TNR: variants seen among roughly 807,000 people sequenced by gnomAD.
The protein encoded by TNR is tenascin-R.
A neutral mutation model predicts 150.4 loss-of-function variants in TNR; 45 were observed. The observed-to-expected ratio is 0.30, with a 90% CI of 0.24 to 0.38. The LOEUF (loss-of-function observed/expected upper bound fraction) is 0.38, where lower values mean the gene tolerates loss of function less well. Ranked by LOEUF, TNR falls within the 10% of genes least tolerant of loss-of-function variation. TNR has a pLI of 1.00. For synonymous variants in TNR, 687 were observed against 678.4 expected, an observed-to-expected ratio of 1.01 and a Z score of -0.20; for missense variants, 1,544 against 1,759.1, an observed-to-expected ratio of 0.88 and a Z score of 2.19.
At chr1:175,592,980 G>T (rs1401614993) in intron 1 of TNR, among the ~76,000 whole-genome samples, 4 of 152,224 alleles carry the variant, frequency 2.6e-5, no homozygotes, top group Non-Finnish European at 5.9e-5. Context: ...TCTACCTACA[G>T]TGCTGGAAGA....
At chr1:175,395,396 C>T (rs1033180637) in intron 5 of TNR, among the ~76,000 whole-genome samples, 1 of 152,142 alleles carries the variant, frequency 6.6e-6, no homozygotes, top group African/African-American at 2.4e-5. Flanking sequence ...GTGGTAAGTC[C>T]TATTTACTGG....
At chr1:175,329,882 T>C (rs1391028391) in intron 21 of TNR, among the ~76,000 whole-genome samples, 192 bp downstream of exon 21, 2 of 152,248 alleles carry the variant, frequency 1.3e-5, no homozygotes, top group African/African-American at 4.8e-5. Context: ...AAGTTGCTTT[T>C]AGGTGACTGG....
chr1:175,634,894 A>G (rs921497837), intron 1 of TNR, among the ~76,000 whole-genome samples: 1 of 152,176 alleles, frequency 6.6e-6, no homozygotes, highest in Non-Finnish European at 1.5e-5. Context: ...CAAAAAACTA[A>G]AAGAGGTTGT....
At position 175,354,386 on chromosome 1, in the gene TNR, C is replaced by G. The variant is rs1323450992; in HGVS notation, c.3382+5G>C. On this transcript the variant is annotated splice_donor_5th_base_variant and intron_variant, in intron 18 of 22. Coordinates refer to ENST00000367674, the MANE Select transcript of TNR (RefSeq NM_003285.3). ...GAAGGCATCAAAGTGGCCATGCTCC[C>G]TCACCTGTGGTGAAAGCGGTGGAGG... The G allele has an allele frequency of 6.2e-7, 1 of 1,613,666 alleles. No individual in the cohort carries two copies. Among genetic ancestry groups the G allele is most frequent in the Non-Finnish European group, 8.5e-7 (1 of 1,179,792 alleles).
intron 2 of TNR, among the ~76,000 whole-genome samples, chr1:175,464,944 G>A (rs185745195): frequency 6.6e-6 from 1 of 152,226 alleles, no homozygotes; most frequent in African/African-American, 2.4e-5. Context: ...AGGGCTGTTA[G>A]CTTTCACAGG....
chr1:175,473,873 C>T (rs1657407482), intron 2 of TNR, among the ~76,000 whole-genome samples: 1 of 152,080 alleles, frequency 6.6e-6, no homozygotes, highest in Non-Finnish European at 1.5e-5. Context: ...ATAAAAAATG[C>T]TGGTTTTAAT....
At chr1:175,352,682 CTGTT>C (rs2061472722) in intron 18 of TNR, among the ~76,000 whole-genome samples, 1 of 152,162 alleles carries the variant, frequency 6.6e-6, no homozygotes, top group African/African-American at 2.4e-5. Context: ...GGATTCATGT[CTGTT>C]TGTGTACCCA....
At chr1:175,611,354 A>G (rs1663591517) in intron 1 of TNR, among the ~76,000 whole-genome samples, 1 of 151,936 alleles carries the variant, frequency 6.6e-6, no homozygotes, top group Admixed American at 6.6e-5. Context: ...TTTTAAAGAC[A>G]TGGGGTCTTG....
intron 2 of TNR, among the ~76,000 whole-genome samples, chr1:175,439,836 C>T (rs1338044942): frequency 2.6e-5 from 4 of 152,176 alleles, no homozygotes; most frequent in African/African-American, 9.7e-5. Context: ...TACCATCTCA[C>T]ACCAGTTAGA....
intron 2 of TNR, among the ~76,000 whole-genome samples, chr1:175,506,139 G>A (rs115840867): frequency 6.6e-6 from 1 of 152,200 alleles, no homozygotes; most frequent in Admixed American, 6.5e-5. Context: ...ATCCTTAGTG[G>A]CACTAGGCTG....
At chr1:175,416,025 C>T (rs1654423649) in intron 2 of TNR, among the ~76,000 whole-genome samples, 1 of 151,754 alleles carries the variant, frequency 6.6e-6, no homozygotes, top group South Asian at 2.1e-4. Context: ...ACTAGGTTTC[C>T]CTATGATAAA....
intron 2 of TNR, among the ~76,000 whole-genome samples, chr1:175,521,788 T>G (rs113242703): frequency 5.6e-4 from 86 of 152,266 alleles, no homozygotes; most frequent in African/African-American, 1.9e-3. Context: ...GGTCTCCTCC[T>G]CTCCCATGAA....
intron 1 of TNR, among the ~76,000 whole-genome samples, chr1:175,734,371 G>A (rs1221327503): frequency 2.0e-5 from 3 of 152,190 alleles, no homozygotes; most frequent in Non-Finnish European, 4.4e-5. Flanking sequence ...TACCCCATTT[G>A]ATGGGTGAGG....
chr1:175,427,133 C>T (rs1256571004), intron 2 of TNR, among the ~76,000 whole-genome samples: 1 of 150,356 alleles, frequency 6.7e-6, no homozygotes, highest in Non-Finnish European at 1.5e-5. Context: ...TTGTTCTATT[C>T]TCCTTAAAAA....
intron 22 of TNR, 83 bp from the exon 23 acceptor site, chr1:175,323,559 G>A: frequency 1.9e-6 from 3 of 1,560,054 alleles, no homozygotes; most frequent in Admixed American, 1.8e-5. Context: ...TATGGGAACA[G>A]GGAATCCACA....
At position 175,362,732 on chromosome 1, in the gene TNR, A is replaced by G; in HGVS notation, c.2785T>C (p.Tyr929His). 1 of 1,614,114 alleles carries G rather than the reference A, an allele frequency of 6.2e-7. No homozygotes were observed. Among genetic ancestry groups the G allele is most frequent in the Non-Finnish European group, 8.5e-7 (1 of 1,180,000 alleles). ...CGCACGCTGTTGAGGCTGATTTCGT[A>G]TTCGGTAGCTGGGTTCAGTCTGGTG... ...TITRLNPATE[Y>H]EISLNSVRGR... The change falls in exon 14 of 23, where the codon TAC (tyrosine) becomes CAC (histidine). Residue 929 changes from tyrosine to histidine, a missense_variant. By Grantham distance (83) the Tyr-to-His change is moderately conservative (BLOSUM62 2). This residue lies in a region of TNR where 1,254 missense variants were observed against 1,329.4 expected (regional missense o/e 0.94). Transcript: ENST00000367674.
intron 2 of TNR, among the ~76,000 whole-genome samples, chr1:175,417,282 C>T (rs377270032): frequency 2.6e-5 from 4 of 151,442 alleles, no homozygotes; most frequent in African/African-American, 7.3e-5. Context: ...AGATGGTATC[C>T]GAGTCCAGAT....
Position 175,347,147 on chromosome 1 carries a change from A to G in TNR, c.3382+7244T>C, listed in dbSNP as rs182280786. Among the ~76,000 whole-genome samples the G allele has an allele frequency of 1.3e-4, 20 of 152,264 alleles. No homozygotes were observed. The East Asian group carries it at 3.5e-3, about 26-fold the overall frequency. On this transcript the variant is annotated intron_variant, in intron 18 of 22. Transcript: ENST00000367674. ...GATTTCTCTAAGGATTGTAATTAAT[A>G]TATCGAGAAAGAAGCTATTAATATA...
chr1:175,542,319 G>C (rs1660533453), intron 1 of TNR, among the ~76,000 whole-genome samples: 1 of 152,182 alleles, frequency 6.6e-6, no homozygotes, highest in Non-Finnish European at 1.5e-5. Context: ...TCCACAGGAA[G>C]TTTGGAAGGG....
Sources: gnomAD v4.1 joint callset for allele counts (sites outside exome capture counted in the v4.1 genomes callset) on GRCh38, gnomAD v4.1.1 for gene constraint, gnomAD v4.1.1 regional missense constraint, MANE v1.5 for transcripts, NCBI Gene and HGNC (gene_info 2026-07-23, HGNC 2026-07-21) for gene names.